The following GABRA2 variants were observed in gnomAD, a reference collection of about 807,000 sequenced individuals.
The protein encoded by GABRA2 is gamma-aminobutyric acid type A receptor subunit alpha2.
A neutral mutation model predicts 48.7 loss-of-function variants in GABRA2; 16 were observed. The ratio of observed to expected loss-of-function variants is 0.33; its 90% CI spans 0.22 to 0.50. The LOEUF (loss-of-function observed/expected upper bound fraction) is 0.50. Among genes scored for constraint, GABRA2 ranks in the 20% least tolerant of loss-of-function variants. GABRA2 has a pLI of 0.98. For synonymous variants in GABRA2, 185 were observed against 184.5 expected, an observed-to-expected ratio of 1.00 and a Z score of -0.02; for missense variants, 275 against 535.6, an observed-to-expected ratio of 0.51 and a Z score of 4.80.
chr4:46,370,144 A>G (rs1292449899), intron 3 of GABRA2, among the ~76,000 whole-genome samples: 2 of 152,220 alleles, frequency 1.3e-5, no homozygotes, highest in South Asian at 4.1e-4. Context: ...AGTAGTGGAT[A>G]ATCATAGAAA....
intron 8 of GABRA2, among the ~76,000 whole-genome samples, chr4:46,272,993 C>G (rs1231367551): frequency 6.6e-6 from 1 of 151,768 alleles, no homozygotes; most frequent in Admixed American, 6.6e-5. Flanking sequence ...TTTGCTGCAC[C>G]CATCAACCCA....
At chr4:46,290,309 A>G (rs1723390721) in intron 8 of GABRA2, among the ~76,000 whole-genome samples, 1 of 152,084 alleles carries the variant, frequency 6.6e-6, no homozygotes, top group Non-Finnish European at 1.5e-5. Flanking sequence ...TCTGAAAAAA[A>G]AAGCCATTGA....
intron 4 of GABRA2, among the ~76,000 whole-genome samples, chr4:46,320,632 G>T (rs1729295559): frequency 6.6e-6 from 1 of 151,550 alleles, no homozygotes; most frequent in Non-Finnish European, 1.5e-5. Context: ...ACACAAAATG[G>T]TCAATAAGTA....
rs1560482729 is a variant in GABRA2, at chr4:46,289,914, T to TTTATTTATTTATTTTTAA, written c.856+13545_856+13546insTTAAAAATAAATAAATAA. Among the ~76,000 whole-genome samples, 445 of 135,966 alleles carry TTTATTTATTTATTTTTAA rather than the reference T, an allele frequency of 3.3e-3. 5 individuals are homozygous for TTTATTTATTTATTTTTAA. Among genetic ancestry groups the TTTATTTATTTATTTTTAA allele is most frequent in the African/African-American group, 0.012 (416 of 35,314 alleles). 89.2% of individuals were successfully genotyped at this position (135,966 alleles called of 152,430 possible). ...TTATTTATTTATTTATTTATTTTTA[T>TTTATTTATTTATTTTTAA]TTTTTTTTTTTTTTTGAGACTGAGT... On this transcript the variant is annotated intron_variant, in intron 8 of 9. Coordinates refer to ENST00000381620, the MANE Select transcript of GABRA2 (RefSeq NM_000807.4).
chr4:46,325,709 G>A (rs1730237497), intron 4 of GABRA2, among the ~76,000 whole-genome samples: 1 of 151,942 alleles, frequency 6.6e-6, no homozygotes, highest in Admixed American at 6.6e-5. Context: ...ATAGGTTGGG[G>A]TCTCACATTT....
At chr4:46,341,088 A>C (rs934507292) in intron 3 of GABRA2, among the ~76,000 whole-genome samples, 1 of 151,860 alleles carries the variant, frequency 6.6e-6, no homozygotes, top group Admixed American at 6.6e-5. Context: ...AAAATATATG[A>C]TGTCCATCTC....
At chr4:46,291,127 A>G (rs914952632) in intron 8 of GABRA2, among the ~76,000 whole-genome samples, 1 of 152,110 alleles carries the variant, frequency 6.6e-6, no homozygotes, top group African/African-American at 2.4e-5. Flanking sequence ...TTAAACTTCG[A>G]TTTTTTGGAG....
At chr4:46,330,652 A>C (rs1731202020) in intron 4 of GABRA2, among the ~76,000 whole-genome samples, 1 of 150,876 alleles carries the variant, frequency 6.6e-6, no homozygotes, top group Non-Finnish European at 1.5e-5. Flanking sequence ...ATCAAAGCTA[A>C]AATTTCAATG....
intron 4 of GABRA2, among the ~76,000 whole-genome samples, chr4:46,330,962 A>G (rs1273621092): frequency 1.3e-5 from 2 of 152,106 alleles, no homozygotes; most frequent in African/African-American, 4.8e-5. Flanking sequence ...ACAAAATTAT[A>G]TCTATAGCCA....
chr4:46,250,788 C>A (rs1206571049), intron 9 of GABRA2, among the ~76,000 whole-genome samples, 184 bp from the exon 10 acceptor site: 3 of 151,440 alleles, frequency 2.0e-5, no homozygotes, highest in Non-Finnish European at 3.0e-5. Flanking sequence ...GGTGAGAAAA[C>A]CCCCAGTAAA....
intron 3 of GABRA2, among the ~76,000 whole-genome samples, chr4:46,378,751 C>T (rs1023194402): frequency 4.0e-5 from 6 of 151,614 alleles, no homozygotes; most frequent in African/African-American, 7.3e-5. Context: ...CACTTGAACC[C>T]GGGAGGTGGA....
At chr4:46,332,007 G>A (rs991443940) in intron 4 of GABRA2, among the ~76,000 whole-genome samples, 1 of 152,004 alleles carries the variant, frequency 6.6e-6, no homozygotes, top group African/African-American at 2.4e-5. Context: ...ACATTTGTGA[G>A]CCACCACACC....
chr4:46,287,757 T>A (rs1264074777), intron 8 of GABRA2, among the ~76,000 whole-genome samples: 2 of 151,888 alleles, frequency 1.3e-5, no homozygotes. Flanking sequence ...TGTGCACATG[T>A]ACCCTAAAAT....
intron 3 of GABRA2, among the ~76,000 whole-genome samples, chr4:46,370,071 G>C (rs965918042): frequency 6.6e-6 from 1 of 151,856 alleles, no homozygotes; most frequent in Non-Finnish European, 1.5e-5. Context: ...GTAAGAGATG[G>C]AACCAAAAAA....
At chr4:46,326,200 C>T (rs1206129505) in intron 4 of GABRA2, among the ~76,000 whole-genome samples, 1 of 151,864 alleles carries the variant, frequency 6.6e-6, no homozygotes, top group Non-Finnish European at 1.5e-5. Flanking sequence ...TACTTTGTGA[C>T]CTTAGAAAAC....
chr4:46,330,897 T>G (rs1712243348), intron 4 of GABRA2, among the ~76,000 whole-genome samples: 1 of 152,072 alleles, frequency 6.6e-6, no homozygotes, highest in Non-Finnish European at 1.5e-5. Context: ...GCACTGTGTC[T>G]CTAACATTTG....
chr4:46,341,589 G>T (rs1208739615), intron 3 of GABRA2, among the ~76,000 whole-genome samples: 1 of 151,988 alleles, frequency 6.6e-6, no homozygotes, highest in Non-Finnish European at 1.5e-5. Flanking sequence ...TTGCACAAAG[G>T]TTCTGTGGGG....
chr4:46,315,940 T>TACACACAC (rs146274569), intron 4 of GABRA2, among the ~76,000 whole-genome samples: 5,498 of 149,552 alleles, frequency 0.037, 117 homozygotes, highest in Non-Finnish European at 0.056. Context: ...TTAGTACATA[T>TACACACAC]ATACACACAC....
chr4:46,315,431 A>G (rs1728386329), intron 4 of GABRA2, among the ~76,000 whole-genome samples: 1 of 152,000 alleles, frequency 6.6e-6, no homozygotes, highest in Admixed American at 6.6e-5. Context: ...GTGCCCTGCC[A>G]ATCTATCTAA....
Sources: gnomAD v4.1 joint callset for allele counts (sites outside exome capture counted in the v4.1 genomes callset) on GRCh38, gnomAD v4.1.1 for gene constraint, MANE v1.5 for transcripts, NCBI Gene and HGNC (gene_info 2026-07-23, HGNC 2026-07-21) for gene names.